Variants in CD44 observed in about 807,000 individuals in gnomAD.
CD44 encodes CD44 antigen.
CD44 carries 49 observed loss-of-function variants against 88.8 expected under a neutral mutation model. That is an observed-to-expected ratio of 0.55 (90% confidence interval 0.44 to 0.70). The LOEUF is 0.70. CD44 is among the 30% of genes least tolerant of loss of function. CD44 has a pLI of 0.00. For synonymous variants in CD44, 325 were observed against 312.3 expected (o/e 1.04, Z -0.43); for missense variants, 883 against 913.8 (o/e 0.97, Z 0.43).
intron 1 of CD44, among the ~76,000 whole-genome samples, chr11:35,164,715 G>A (rs765674192): frequency 2.0e-4 from 31 of 152,186 alleles, no homozygotes; most frequent in Non-Finnish European, 3.8e-4. Flanking sequence ...AGTGAGCAAG[G>A]GACAATCTTT....
At chr11:35,161,830 T>C (rs1942654760) in intron 1 of CD44, among the ~76,000 whole-genome samples, 1 of 152,002 alleles carries the variant, frequency 6.6e-6, no homozygotes, top group Non-Finnish European at 1.5e-5. Flanking sequence ...ATCTGTGTGC[T>C]GGGGGGGAAG....
chr11:35,213,379 A>G (rs1426160827), intron 14 of CD44, among the ~76,000 whole-genome samples: 5 of 152,296 alleles, frequency 3.3e-5, no homozygotes, highest in Non-Finnish European at 7.3e-5. Flanking sequence ...CATTTTTCTC[A>G]GTCTTTACGC....
chr11:35,140,936 G>T (rs1857787620), intron 1 of CD44, among the ~76,000 whole-genome samples: 1 of 150,120 alleles, frequency 6.7e-6, no homozygotes, highest in Non-Finnish European at 1.5e-5. Flanking sequence ...CAGGAGAATT[G>T]CTTGAACCTA....
chr11:35,217,282 TA>T (rs1253076211), intron 15 of CD44, among the ~76,000 whole-genome samples: 4 of 149,232 alleles, frequency 2.7e-5, no homozygotes, highest in African/African-American at 7.4e-5. Context: ...TTTTTTTTTT[TA>T]AATCAAAATA....
intron 1 of CD44, among the ~76,000 whole-genome samples, chr11:35,143,627 C>T (rs1041468987): frequency 3.3e-5 from 5 of 152,076 alleles, no homozygotes; most frequent in Admixed American, 1.3e-4. Flanking sequence ...ACGTGGCTCT[C>T]CCACACTACC....
Position 35,198,105 on chromosome 11 carries a change from C to T in CD44, c.797-16C>T. 6.2e-7 allele frequency: 1 copy of T among 1,610,084 alleles called. No homozygotes were observed. Among genetic ancestry groups the T allele is most frequent in the Non-Finnish European group, 8.5e-7 (1 of 1,177,162 alleles). ...TTGGCGTCCAGCTCAGCCACTAATG[C>T]AAGTCACCACAACAGGTACGTCTTC... On this transcript the variant is annotated splice_polypyrimidine_tract_variant and intron_variant, in intron 6 of 17. Coordinates refer to ENST00000428726, the MANE Select transcript of CD44 (RefSeq NM_000610.4).
Position 35,229,646 on chromosome 11 carries a change from A to G in CD44, c.*313A>G, listed in dbSNP as rs1230359977. On this transcript the variant is annotated 3_prime_UTR_variant, in exon 18 of 18. Transcript: ENST00000428726. ...CTTCTAACAAAAACTACACATATGT[A>G]TTCCTGATCGCCAACCTTTCCCCCA... 3.4e-6 allele frequency: 1 copy of G among 293,966 alleles called. No individual in the cohort carries two copies. The highest frequency in any genetic ancestry group is 2.2e-5 in the African/African-American group (1 of 46,044). 18.2% of individuals were successfully genotyped at this position (293,966 alleles called of 1,614,324 possible).
intron 4 of CD44, among the ~76,000 whole-genome samples, chr11:35,188,525 T>C (rs1223126186): frequency 6.6e-6 from 1 of 152,224 alleles, no homozygotes; most frequent in Non-Finnish European, 1.5e-5. Flanking sequence ...CACAGTTCTC[T>C]TTTGAAGTCC....
At chr11:35,216,079 A>G (rs1364096203) in intron 15 of CD44, among the ~76,000 whole-genome samples, 1 of 151,700 alleles carries the variant, frequency 6.6e-6, no homozygotes, top group African/African-American at 2.4e-5. Flanking sequence ...TGATGGAGCC[A>G]CCTTTCAAGC....
intron 2 of CD44, among the ~76,000 whole-genome samples, chr11:35,179,021 T>A (rs3794106): frequency 6.6e-6 from 1 of 152,174 alleles, no homozygotes; most frequent in Non-Finnish European, 1.5e-5. Context: ...TATGAAAACT[T>A]ATTACCATTT....
At chr11:35,147,713 T>A (rs917775154) in intron 1 of CD44, among the ~76,000 whole-genome samples, 1 of 152,092 alleles carries the variant, frequency 6.6e-6, no homozygotes, top group African/African-American at 2.4e-5. Context: ...CTAGGCAGCA[T>A]CTTTTTCCAC....
At chr11:35,178,008 T>C (rs1030180494) in intron 2 of CD44, among the ~76,000 whole-genome samples, 2 of 152,076 alleles carry the variant, frequency 1.3e-5, no homozygotes, top group African/African-American at 4.8e-5. Flanking sequence ...TAGACATCTG[T>C]ATGTGTTCAG....
At chr11:35,185,053 G>T (rs534603226) in intron 3 of CD44, among the ~76,000 whole-genome samples, 34 of 152,324 alleles carry the variant, frequency 2.2e-4, no homozygotes, top group African/African-American at 6.7e-4. Flanking sequence ...TAGGGAGGGA[G>T]GCAGGTAGCA....
At chr11:35,187,440 A>T (rs1422163134) in intron 4 of CD44, among the ~76,000 whole-genome samples, 2 of 151,684 alleles carry the variant, frequency 1.3e-5, no homozygotes, top group African/African-American at 4.8e-5. Flanking sequence ...CCACTTTCAC[A>T]TTTTTTTTGG....
chr11:35,141,803 C>G (rs1024940200), intron 1 of CD44, among the ~76,000 whole-genome samples: 1 of 152,098 alleles, frequency 6.6e-6, no homozygotes, highest in Non-Finnish European at 1.5e-5. Flanking sequence ...GGAACTGGGA[C>G]TTGGAAAGGA....
intron 15 of CD44, among the ~76,000 whole-genome samples, chr11:35,218,113 T>G (rs1439652445): frequency 6.6e-6 from 1 of 151,932 alleles, no homozygotes; most frequent in Non-Finnish European, 1.5e-5. Flanking sequence ...TTAGAACCAT[T>G]GTGTCTCCCT....
chr11:35,162,613 T>G (rs1336051878), intron 1 of CD44, among the ~76,000 whole-genome samples: 1 of 152,218 alleles, frequency 6.6e-6, no homozygotes, highest in African/African-American at 2.4e-5. Context: ...TTGTTCCAGA[T>G]GAGATTTCAC....
At chr11:35,166,606 G>C (rs1365140025) in intron 1 of CD44, among the ~76,000 whole-genome samples, 1 of 152,196 alleles carries the variant, frequency 6.6e-6, no homozygotes, top group Non-Finnish European at 1.5e-5. Flanking sequence ...CTCCATGTTG[G>C]TTCAGCGTTG....
chr11:35,219,254 C>T lies in CD44; in HGVS notation c.1874-62C>T, dbSNP rs539649437. ...TGGAGAGCTGCCCTTTATGCAGCTCCACAAGGAACTCATGGTTACACATTT... is the reference window on the plus strand; with the variant it reads ...TGGAGAGCTGCCCTTTATGCAGCTCTACAAGGAACTCATGGTTACACATTT... On this transcript the variant is annotated intron_variant, in intron 15 of 17. Coordinates refer to ENST00000428726, the MANE Select transcript of CD44 (RefSeq NM_000610.4). The T allele has an allele frequency of 2.8e-5, 35 of 1,265,192 alleles. No homozygotes were observed. The South Asian group carries it at 3.8e-4, about 14-fold the overall frequency. The allele number at this position is 1,265,192 out of a possible 1,614,324, so 78.4% of individuals were successfully genotyped here.
Sources: gnomAD v4.1 joint callset for allele counts (sites outside exome capture counted in the v4.1 genomes callset) on GRCh38, gnomAD v4.1.1 for gene constraint, MANE v1.5 for transcripts, NCBI Gene and HGNC (gene_info 2026-07-23, HGNC 2026-07-21) for gene names.